Variants in R3HCC1 observed in about 807,000 individuals in gnomAD.
R3HCC1 encodes the protein R3H and coiled-coil domain-containing protein 1.
In R3HCC1, 32 loss-of-function variants were observed where a neutral mutation model predicts 40.0. That is an observed-to-expected ratio of 0.80 (90% CI 0.60 to 1.07). R3HCC1 has a LOEUF of 1.07. Ranked by LOEUF, R3HCC1 falls within the 50% of genes least tolerant of loss-of-function variation. R3HCC1 has a pLI of 0.00. For missense variants in R3HCC1, 586 were observed against 563.3 expected, an observed-to-expected ratio of 1.04 and a Z score of -0.41; for synonymous variants, 237 against 232.8, an observed-to-expected ratio of 1.02 and a Z score of -0.17.
intron 6 of R3HCC1, among the ~76,000 whole-genome samples, chr8:23,294,050 G>C (rs1472335510): frequency 6.6e-6 from 1 of 152,082 alleles, no homozygotes; most frequent in African/African-American, 2.4e-5. Context: ...CCCGAGCTGG[G>C]GCCTGGGAGC....
chr8:23,291,263 T>A, intron 4 of R3HCC1, 98 bp from the exon 5 acceptor site: 1 of 1,446,894 alleles, frequency 6.9e-7, no homozygotes, highest in Non-Finnish European at 9.1e-7. Context: ...TTTTGCCAGG[T>A]GGGCCCCTTC....
Position 23,296,128 on chromosome 8 carries a change from G to T in R3HCC1, c.*31G>T. The T allele has an allele frequency of 6.5e-7, 1 of 1,536,820 alleles. No individual in the cohort carries two copies. The highest frequency in any genetic ancestry group is 1.2e-5 in the South Asian group (1 of 83,000). Reference sequence around the variant, plus strand: ...GGAGACCCAACTGGCCTGGATCTGCGTCCCGACGTAGCTGGCGCCCCCAAC... The same window carrying T: ...GGAGACCCAACTGGCCTGGATCTGCTTCCCGACGTAGCTGGCGCCCCCAAC... On this transcript the variant is annotated 3_prime_UTR_variant, in exon 8 of 8. Coordinates refer to ENST00000265806, the MANE Select transcript of R3HCC1 (RefSeq NM_001136108.3).
intron 7 of R3HCC1, 197 bp from the exon 8 acceptor site, chr8:23,295,770 C>A: frequency 1.4e-6 from 1 of 740,220 alleles, no homozygotes; most frequent in Non-Finnish European, 2.2e-6. Context: ...TTTGGGTCAG[C>A]ATCCCCTGGG....
At chr8:23,288,472 C>T in intron 1 of R3HCC1, 34 bp from the exon 2 acceptor site, 3 of 1,534,808 alleles carry the variant, frequency 2.0e-6, no homozygotes, top group African/African-American at 1.4e-5. Flanking sequence ...GGGGTCTGTG[C>T]TCTGATTCCC....
Position 23,288,490 on chromosome 8 carries a change from C to T in R3HCC1, c.-18-16C>T, listed in dbSNP as rs1158397714. On this transcript the variant is annotated splice_polypyrimidine_tract_variant and intron_variant, in intron 1 of 7. Transcript: ENST00000265806. ...GTCTGTGCTCTGATTCCCGGCCCTG[C>T]CCGTCTCTCTTACAGGCTCTCCCAC... The T allele has an allele frequency of 4.6e-6, 7 of 1,535,682 alleles. No individual in the cohort carries two copies. Among genetic ancestry groups the T allele is most frequent in the Non-Finnish European group, 6.1e-6 (7 of 1,146,596 alleles).
chr8:23,289,945 A>G lies in R3HCC1; in HGVS notation c.328A>G (p.Ile110Val). The G allele has an allele frequency of 2.0e-6, 3 of 1,536,194 alleles. No individual in the cohort carries two copies. Among genetic ancestry groups the G allele is most frequent in the Non-Finnish European group, 2.6e-6 (3 of 1,146,922 alleles). Reference sequence around the variant, plus strand: ...CAGCAGGTACCACGGTCCTCGGCCCATCTCCAACCAAGGAGCAGCTGCGGT... The same window carrying G: ...CAGCAGGTACCACGGTCCTCGGCCCGTCTCCAACCAAGGAGCAGCTGCGGT... Residue 110 changes from isoleucine to valine, a missense_variant, in exon 4 of 8, where the codon ATC becomes GTC. Physicochemically the swap from Ile to Val is conservative, Grantham distance 29. Coordinates refer to ENST00000265806, the MANE Select transcript of R3HCC1 (RefSeq NM_001136108.3).
intron 7 of R3HCC1, 64 bp downstream of exon 7, chr8:23,294,928 T>TGTGTGTGC (rs974412784): frequency 3.6e-6 from 4 of 1,100,818 alleles, no homozygotes; most frequent in African/African-American, 3.1e-5. Flanking sequence ...CGAGCATGTG[T>TGTGTGTGC]GTGTGTGCGT....
In R3HCC1 at chr8:23,289,047, C is replaced by T; in HGVS notation, c.142C>T (p.Leu48Phe). Reference sequence around the variant, plus strand: ...TCTTTTCCCCCCACTCTCCAGTCGCCTCCGGTACCTGATCCATAGAACAGC... The same window carrying T: ...TCTTTTCCCCCCACTCTCCAGTCGCTTCCGGTACCTGATCCATAGAACAGC... Residue 48 changes from leucine to phenylalanine, a missense_variant, in exon 3 of 8, where the codon CTC (leucine) becomes TTC (phenylalanine). Coordinates refer to ENST00000265806, the MANE Select transcript of R3HCC1 (RefSeq NM_001136108.3). The T allele has an allele frequency of 6.5e-7, 1 of 1,536,674 alleles. No individual in the cohort carries two copies. Among genetic ancestry groups the T allele is most frequent in the Non-Finnish European group, 8.7e-7 (1 of 1,147,030 alleles).
Position 23,296,092 on chromosome 8 carries a change from C to T in R3HCC1, c.1318C>T (p.Pro440Ser), listed in dbSNP as rs1563181431. The change falls in exon 8 of 8, where the codon CCC (proline) becomes TCC (serine). Residue 440 changes from proline (P) to serine (S), a missense_variant. Pro to Ser is a moderately conservative substitution (Grantham distance 74). Coordinates refer to ENST00000265806, the MANE Select transcript of R3HCC1 (RefSeq NM_001136108.3). ...GCCTGCTGTCCGGGGTCCGCTGCCG[C>T]CCTGAGGCCTGGAGACCCAACTGGC... 3.9e-6 allele frequency: 6 copies of T among 1,549,448 alleles called. No homozygotes were observed. Among genetic ancestry groups the T allele is most frequent in the Non-Finnish European group, 4.4e-6 (5 of 1,146,554 alleles).
rs972629812 is a variant in R3HCC1 at position 23,296,162 on chromosome 8, C to G, written c.*65C>G. ...TAGCTGGCGCCCCCAACACCATAAG[C>G]CTTCACAGACGCCAGAGCAGCCCCG... On this transcript the variant is annotated 3_prime_UTR_variant, in exon 8 of 8. Transcript: ENST00000265806. The G allele has an allele frequency of 2.0e-6, 3 of 1,495,390 alleles. No individual in the cohort carries two copies. The African/African-American group carries it at 4.2e-5, about 21-fold the overall frequency. The allele number at this position is 1,495,390 out of a possible 1,614,324, so 92.6% of individuals were successfully genotyped here.
intron 3 of R3HCC1, 92 bp downstream of exon 3, chr8:23,289,245 A>G (rs1802807569): frequency 2.1e-6 from 3 of 1,405,878 alleles, no homozygotes; most frequent in South Asian, 2.7e-5. Context: ...GCTGGGGGGA[A>G]CCAGGGCTGG....
rs758791727 is a variant in R3HCC1, at chr8:23,291,463, G to C, written c.955G>C (p.Val319Leu). 1.7e-5 allele frequency: 26 copies of C among 1,551,530 alleles called. No homozygotes were observed. The highest frequency in any genetic ancestry group is 2.3e-5 in the Non-Finnish European group (26 of 1,146,952). Reference sequence around the variant, plus strand: ...GCCTGGAGAGAAGGACCTTGCCCACGTGGTAGAGATCTATGACTTTGAACC... The same window carrying C: ...GCCTGGAGAGAAGGACCTTGCCCACCTGGTAGAGATCTATGACTTTGAACC... Residue 319 changes from valine to leucine, a missense_variant, in exon 5 of 8, where the codon GTG (valine) becomes CTG (leucine). Physicochemically the swap from Val to Leu is conservative, Grantham distance 32. Transcript: ENST00000265806.
intron 6 of R3HCC1, 42 bp from the exon 7 acceptor site, chr8:23,294,727 T>C: frequency 6.8e-7 from 1 of 1,478,494 alleles, no homozygotes. Context: ...CGCGGGGTCC[T>C]GAGGAGGAGG....
chr8:23,289,452 T>C (rs188880327), intron 3 of R3HCC1, among the ~76,000 whole-genome samples: 1 of 152,218 alleles, frequency 6.6e-6, no homozygotes, highest in Non-Finnish European at 1.5e-5. Context: ...TCAGTGAGCT[T>C]GTGTCCCACA....
chr8:23,291,538 G>A lies in R3HCC1; in HGVS notation c.1025+5G>A, dbSNP rs1360900568. The A allele has an allele frequency of 9.7e-6, 15 of 1,550,216 alleles. No individual in the cohort carries two copies. Among genetic ancestry groups the A allele is most frequent in the Non-Finnish European group, 1.2e-5 (14 of 1,146,686 alleles). On this transcript the variant is annotated splice_donor_5th_base_variant and intron_variant, in intron 5 of 7. Transcript: ENST00000265806. ...GGCAACGTTTTCTGAGTTCCAGTGA[G>A]TGGTGGCTGGGGAGGTGCTGCCTTC...
chr8:23,294,709 G>C, intron 6 of R3HCC1, 60 bp from the exon 7 acceptor site: 1 of 1,309,856 alleles, frequency 7.6e-7, no homozygotes. Flanking sequence ...TCGGGGTGGT[G>C]GGTGTGCCGC....
At chr8:23,293,921 C>T (rs1198545188) in intron 6 of R3HCC1, among the ~76,000 whole-genome samples, 1 of 152,226 alleles carries the variant, frequency 6.6e-6, no homozygotes, top group Non-Finnish European at 1.5e-5. Context: ...GTGCTCCTGT[C>T]TCCCTCAGTC....
chr8:23,295,676 T>G (rs968473385), intron 7 of R3HCC1: 16 of 510,368 alleles, frequency 3.1e-5, no homozygotes, highest in Non-Finnish European at 5.7e-5. Context: ...CAAAGGACCC[T>G]AAAAAGCAGG....
At chr8:23,288,974 G>A (rs866311649) in intron 2 of R3HCC1, 42 bp from the exon 3 acceptor site, 2 of 1,534,084 alleles carry the variant, frequency 1.3e-6, no homozygotes, top group Middle Eastern at 1.7e-4. Flanking sequence ...TAGGGGCCAG[G>A]CCCTGGACAC....
Sources: gnomAD v4.1 joint callset for allele counts (sites outside exome capture counted in the v4.1 genomes callset) on GRCh38, gnomAD v4.1.1 for gene constraint, MANE v1.5 for transcripts, NCBI Gene and HGNC (gene_info 2026-07-23, HGNC 2026-07-21) for gene names.